The following MBD5 variants were observed in gnomAD, a reference collection of about 807,000 sequenced individuals.
The protein encoded by MBD5 is methyl-CpG-binding domain protein 5.
A neutral mutation model predicts 117.3 loss-of-function variants in MBD5; 13 were observed. The observed-to-expected ratio is 0.11, with a 90% CI of 0.07 to 0.18. MBD5 has a LOEUF of 0.18. MBD5 is among the 10% of genes least tolerant of loss of function. The pLI is 1.00. For missense variants in MBD5, 1,879 were observed against 2,093.8 expected, an observed-to-expected ratio of 0.90 and a Z score of 2.00; for synonymous variants, 727 against 766.4, an observed-to-expected ratio of 0.95 and a Z score of 0.85.
intron 1 of MBD5, among the ~76,000 whole-genome samples, chr2:148,163,630 G>T (rs1324265210): frequency 6.6e-6 from 1 of 152,064 alleles, no homozygotes; most frequent in Non-Finnish European, 1.5e-5. Flanking sequence ...GGTCAGGCTG[G>T]TCTGGAACTC....
chr2:148,163,787 A>AT (rs1698065681), intron 1 of MBD5, among the ~76,000 whole-genome samples: 2 of 152,138 alleles, frequency 1.3e-5, no homozygotes, highest in African/African-American at 4.8e-5. Context: ...ATAAATGTTC[A>AT]TTTTTTTCAT....
At chr2:148,327,769 C>T (rs964040210) in intron 3 of MBD5, among the ~76,000 whole-genome samples, 7 of 152,090 alleles carry the variant, frequency 4.6e-5, no homozygotes, top group East Asian at 1.9e-4. Flanking sequence ...GTTTTCAACT[C>T]CTTTGCCTTT....
chr2:148,205,980 A>G (rs1699270489), intron 2 of MBD5, among the ~76,000 whole-genome samples: 1 of 152,062 alleles, frequency 6.6e-6, no homozygotes, highest in South Asian at 2.1e-4. Context: ...AGCTCTACAA[A>G]AAATACAAAA....
chr2:148,063,230 A>T (rs1695088900), intron 1 of MBD5, among the ~76,000 whole-genome samples: 1 of 152,156 alleles, frequency 6.6e-6, no homozygotes, highest in Non-Finnish European at 1.5e-5. Context: ...TTAAGTCATT[A>T]GTTTTGAATT....
intron 12 of MBD5, among the ~76,000 whole-genome samples, chr2:148,507,531 G>A (rs1412757722): frequency 1.3e-5 from 2 of 151,052 alleles, no homozygotes; most frequent in Non-Finnish European, 3.0e-5. Flanking sequence ...AGGCCGAGGC[G>A]GGCAGATCAC....
chr2:148,481,768 T>G (rs1681161854), intron 8 of MBD5: 1 of 152,114 alleles, frequency 6.6e-6, no homozygotes, highest in South Asian at 2.1e-4. Flanking sequence ...AGATGAGTTT[T>G]CAGCGGGTCT....
chr2:148,222,077 G>C (rs900868241), intron 2 of MBD5, among the ~76,000 whole-genome samples: 13 of 152,090 alleles, frequency 8.5e-5, no homozygotes, highest in African/African-American at 2.9e-4. Flanking sequence ...GTAGGTGTGT[G>C]AATTTGTTTC....
intron 3 of MBD5, among the ~76,000 whole-genome samples, chr2:148,303,773 AT>A (rs894474255): frequency 6.6e-6 from 1 of 152,218 alleles, no homozygotes; most frequent in Non-Finnish European, 1.5e-5. Context: ...TGTTGCAAAT[AT>A]AGTTTGCTCA....
chr2:148,056,899 T>C (rs1393102221), intron 1 of MBD5, among the ~76,000 whole-genome samples: 2 of 151,904 alleles, frequency 1.3e-5, no homozygotes, highest in Non-Finnish European at 2.9e-5. Flanking sequence ...ATGTAATTTT[T>C]TTTTTAGTTG....
At chr2:148,465,762 G>A (rs1482678614) in intron 7 of MBD5, among the ~76,000 whole-genome samples, 1 of 152,290 alleles carries the variant, frequency 6.6e-6, no homozygotes, top group South Asian at 2.1e-4. Context: ...GCCATGTCAT[G>A]CAGGTAATTA....
chr2:148,470,187 T>G lies in MBD5; in HGVS notation c.2244T>G (p.Val748=). ...HFTDPSMNSS[V]LQNIPLRGEA... Reference sequence around the variant, plus strand: ...CAGATCCCAGTATGAACTCTAGTGTTCTTCAGAACATACCTTTAAGAGGGG... The same window carrying G: ...CAGATCCCAGTATGAACTCTAGTGTGCTTCAGAACATACCTTTAAGAGGGG... Residue 748 remains valine, a synonymous_variant, in exon 8 of 14, where the codon GTT becomes GTG. Coordinates refer to ENST00000642680, the MANE Select transcript of MBD5 (RefSeq NM_001378120.1). The G allele has an allele frequency of 6.2e-7, 1 of 1,613,962 alleles. No homozygotes were observed. Among genetic ancestry groups the G allele is most frequent in the South Asian group, 1.1e-5 (1 of 91,084 alleles).
At chr2:148,219,198 C>T (rs1275497094) in intron 2 of MBD5, among the ~76,000 whole-genome samples, 1 of 152,122 alleles carries the variant, frequency 6.6e-6, no homozygotes, top group Non-Finnish European at 1.5e-5. Context: ...CAAACACACA[C>T]ATTAGGCTAG....
intron 12 of MBD5, among the ~76,000 whole-genome samples, chr2:148,507,511 G>A (rs1215042188): frequency 6.6e-6 from 1 of 152,136 alleles, no homozygotes; most frequent in Non-Finnish European, 1.5e-5. Context: ...TGTAATCCCA[G>A]CACTTTGGGA....
chr2:148,159,985 A>G (rs1178528674), intron 1 of MBD5, among the ~76,000 whole-genome samples: 2 of 152,202 alleles, frequency 1.3e-5, no homozygotes, highest in Admixed American at 1.3e-4. Flanking sequence ...TCTATGTGCT[A>G]TGTAAAATTT....
At chr2:148,492,020 T>G (rs1477642355) in intron 11 of MBD5, among the ~76,000 whole-genome samples, 1 of 151,924 alleles carries the variant, frequency 6.6e-6, no homozygotes, top group South Asian at 2.1e-4. Context: ...CTGTCCTAAA[T>G]GCCTTGTCTA....
At chr2:148,262,621 A>T in intron 3 of MBD5, among the ~76,000 whole-genome samples, 1 of 152,212 alleles carries the variant, frequency 6.6e-6, no homozygotes. Flanking sequence ...TGTGGGGTTA[A>T]GTAATTTGTC....
At chr2:148,305,885 A>G (rs1176528833) in intron 3 of MBD5, among the ~76,000 whole-genome samples, 1 of 152,200 alleles carries the variant, frequency 6.6e-6, no homozygotes, top group Admixed American at 6.5e-5. Context: ...CAGAGCTAGA[A>G]TCTAATAACA....
At chr2:148,271,631 A>G (rs1700989060) in intron 3 of MBD5, among the ~76,000 whole-genome samples, 2 of 152,142 alleles carry the variant, frequency 1.3e-5, no homozygotes, top group Admixed American at 1.3e-4. Context: ...TTCCGTCGGT[A>G]TGCTATTGAT....
At chr2:148,381,702 C>T (rs2105440833) in intron 4 of MBD5, among the ~76,000 whole-genome samples, 1 of 152,218 alleles carries the variant, frequency 6.6e-6, no homozygotes, top group African/African-American at 2.4e-5. Context: ...TAAGGGCAGC[C>T]AGAGAGAAAG....
Sources: gnomAD v4.1 joint callset for allele counts (sites outside exome capture counted in the v4.1 genomes callset) on GRCh38, gnomAD v4.1.1 for gene constraint, MANE v1.5 for transcripts, NCBI Gene and HGNC (gene_info 2026-07-23, HGNC 2026-07-21) for gene names.